Variants in CACNB2 observed in about 807,000 individuals in gnomAD.
CACNB2 encodes calcium voltage-gated channel auxiliary subunit beta 2, also known as voltage-dependent L-type calcium channel subunit beta-2.
Under a neutral mutation model 73.3 loss-of-function variants are expected in CACNB2, and 42 were observed. The ratio of observed to expected loss-of-function variants is 0.57; its 90% CI spans 0.45 to 0.74. CACNB2 has a LOEUF of 0.74. CACNB2 is among the 30% of genes least tolerant of loss of function. CACNB2 has a pLI of 0.00. For missense variants in CACNB2, 940 were observed against 853.0 expected (o/e 1.10, Z -1.27); for synonymous variants, 348 against 310.3 (o/e 1.12, Z -1.28).
intron 2 of CACNB2, among the ~76,000 whole-genome samples, chr10:18,320,106 C>T (rs1213706001): frequency 2.6e-5 from 4 of 152,154 alleles, no homozygotes; most frequent in Non-Finnish European, 4.4e-5. Context: ...GACCCCGCCA[C>T]CCCAAGGACC....
At chr10:18,219,411 C>A (rs192363092) in intron 2 of CACNB2, among the ~76,000 whole-genome samples, 1 of 152,124 alleles carries the variant, frequency 6.6e-6, no homozygotes, top group Non-Finnish European at 1.5e-5. Flanking sequence ...GACATTTGAC[C>A]TTCTGAGAAA....
chr10:18,140,669 G>A lies in CACNB2; in HGVS notation c.-68G>A. The A allele has an allele frequency of 7.2e-7, 1 of 1,381,950 alleles. No individual in the cohort carries two copies. Among genetic ancestry groups the A allele is most frequent in the Non-Finnish European group, 1.0e-6 (1 of 991,268 alleles). The allele number at this position is 1,381,950 out of a possible 1,614,324, so 85.6% of individuals were successfully genotyped here. On this transcript the variant is annotated 5_prime_UTR_variant, in exon 1 of 14. Coordinates refer to ENST00000324631, the MANE Select transcript of CACNB2 (RefSeq NM_201596.3). ...CCAGAGCCGATCAGAGCGCGGGGAG[G>A]CGGGGGCGAGGAGGAGGGGACCCGC... is the stretch of plus-strand genomic sequence containing the variant.
chr10:18,338,578 A>C (rs1362589562), intron 2 of CACNB2, among the ~76,000 whole-genome samples: 1 of 151,810 alleles, frequency 6.6e-6, no homozygotes, highest in African/African-American at 2.4e-5. Flanking sequence ...AGTATCCAAA[A>C]TTTTATCCAC....
rs1215191752 is a variant in CACNB2 at position 18,514,319 on chromosome 10, A to G, written c.754A>G (p.Ser252Gly). The change falls in exon 7 of 14, where the codon AGT becomes GGT. Residue 252 changes from serine to glycine, a missense_variant. Physicochemically the swap from Ser to Gly is moderately conservative, Grantham distance 56. Coordinates refer to ENST00000324631, the MANE Select transcript of CACNB2 (RefSeq NM_201596.3). ...CCGCTCCCCTAAACCCAGTGCAAAC[A>G]GTGTAACGTCACCCCACTCCAAAGA... Reference protein sequence around the residue: ...NHRSPKPSANSVTSPHSKEKR... With the variant: ...NHRSPKPSANGVTSPHSKEKR... 1.9e-6 allele frequency: 3 copies of G among 1,614,222 alleles called. No homozygotes were observed. Among genetic ancestry groups the G allele is most frequent in the Non-Finnish European group, 2.5e-6 (3 of 1,180,026 alleles).
chr10:18,247,711 G>A (rs1342702575), intron 2 of CACNB2, among the ~76,000 whole-genome samples: 3 of 152,140 alleles, frequency 2.0e-5, no homozygotes, highest in African/African-American at 7.2e-5. Flanking sequence ...CTGGGAAGTC[G>A]AAGGTTGAGG....
intron 2 of CACNB2, among the ~76,000 whole-genome samples, chr10:18,253,655 A>C (rs2037172971): frequency 6.6e-6 from 1 of 152,218 alleles, no homozygotes; most frequent in Non-Finnish European, 1.5e-5. Flanking sequence ...ATTCTCTGAG[A>C]GTGTGGAAAA....
chr10:18,290,844 G>C (rs1050069112), intron 2 of CACNB2, among the ~76,000 whole-genome samples: 27 of 152,220 alleles, frequency 1.8e-4, no homozygotes, highest in African/African-American at 6.5e-4. Context: ...GCAAAATTTA[G>C]CCTGGATCTG....
intron 2 of CACNB2, among the ~76,000 whole-genome samples, chr10:18,273,891 T>A (rs1212527380): frequency 6.6e-6 from 1 of 152,344 alleles, no homozygotes; most frequent in Non-Finnish European, 1.5e-5. Flanking sequence ...GGTACAACTT[T>A]AACTACTAGA....
chr10:18,234,112 T>C (rs1488490697), intron 2 of CACNB2: 1 of 152,236 alleles, frequency 6.6e-6, no homozygotes, highest in Admixed American at 6.6e-5. Context: ...AGAGGCTGGT[T>C]CATGACTGAG....
intron 2 of CACNB2, among the ~76,000 whole-genome samples, chr10:18,171,089 G>T (rs1166726498): frequency 6.6e-6 from 1 of 152,056 alleles, no homozygotes; most frequent in African/African-American, 2.4e-5. Context: ...GTTGTTTTTA[G>T]ATCTTTGTAG....
At chr10:18,319,430 C>T (rs2131944340) in intron 2 of CACNB2, among the ~76,000 whole-genome samples, 1 of 151,928 alleles carries the variant, frequency 6.6e-6, no homozygotes, top group South Asian at 2.1e-4. Context: ...GGGACCAACC[C>T]ACACCAGGGC....
intron 2 of CACNB2, among the ~76,000 whole-genome samples, chr10:18,342,006 A>G (rs1026872095): frequency 5.3e-5 from 8 of 152,284 alleles, no homozygotes; most frequent in South Asian, 2.1e-4. Flanking sequence ...CAATGTATAC[A>G]CTAATTATCA....
intron 2 of CACNB2, among the ~76,000 whole-genome samples, chr10:18,278,078 G>GAAAATA (rs1196394252): frequency 3.9e-5 from 6 of 152,146 alleles, no homozygotes; most frequent in Non-Finnish European, 8.8e-5. Context: ...AAGTTACAAG[G>GAAAATA]AAAATATTGT....
chr10:18,141,124 C>T (rs2030341184), intron 1 of CACNB2: 6 of 1,536,146 alleles, frequency 3.9e-6, no homozygotes, highest in Non-Finnish European at 5.3e-6. Context: ...AGACTTCTCC[C>T]GGGTTGCTCC....
chr10:18,539,740 G>GCTTT lies in CACNB2; in HGVS notation c.*16_*17insCTTT, dbSNP rs753335762. ...CCGCCAATGAGTTTTGCCCGTTTGTGTTTTTTTTTTTTTTTTTTTGAAGTC... is the reference window on the plus strand; with the variant it reads ...CCGCCAATGAGTTTTGCCCGTTTGTGCTTTTTTTTTTTTTTTTTTTTTTGAAGTC... On this transcript the variant is annotated 3_prime_UTR_variant, in exon 14 of 14. Coordinates refer to ENST00000324631, the MANE Select transcript of CACNB2 (RefSeq NM_201596.3). 4.1e-6 allele frequency: 6 copies of GCTTT among 1,449,380 alleles called. No homozygotes were observed. The highest frequency in any genetic ancestry group is 1.3e-5 in the South Asian group (1 of 79,344). The allele number at this position is 1,449,380 out of a possible 1,614,324, so 89.8% of individuals were successfully genotyped here.
intron 3 of CACNB2, among the ~76,000 whole-genome samples, chr10:18,428,720 T>C (rs1180993890): frequency 6.6e-6 from 1 of 151,722 alleles, no homozygotes; most frequent in Non-Finnish European, 1.5e-5. Flanking sequence ...ATGATTTTAT[T>C]TATTTATTTT....
intron 2 of CACNB2, among the ~76,000 whole-genome samples, chr10:18,367,570 G>C (rs1447813081): frequency 6.6e-6 from 1 of 152,000 alleles, no homozygotes; most frequent in Non-Finnish European, 1.5e-5. Context: ...TGTAAGAAAT[G>C]TTTCTCTTAA....
chr10:18,231,323 G>A (rs774115730), intron 2 of CACNB2, among the ~76,000 whole-genome samples: 9 of 152,088 alleles, frequency 5.9e-5, no homozygotes, highest in Non-Finnish European at 1.2e-4. Flanking sequence ...ATTACAGGCA[G>A]GCGCCACCAC....
chr10:18,162,478 T>A (rs1002391590), intron 2 of CACNB2, among the ~76,000 whole-genome samples: 3 of 151,988 alleles, frequency 2.0e-5, no homozygotes, highest in Admixed American at 6.6e-5. Flanking sequence ...AAGAACATTG[T>A]TTACTCTTTT....
Sources: gnomAD v4.1 joint callset for allele counts (sites outside exome capture counted in the v4.1 genomes callset) on GRCh38, gnomAD v4.1.1 for gene constraint, MANE v1.5 for transcripts, NCBI Gene and HGNC (gene_info 2026-07-23, HGNC 2026-07-21) for gene names.